PPOX: variants seen among roughly 807,000 people sequenced by gnomAD.
PPOX encodes protoporphyrinogen oxidase, also known as variegate porphyria.
A neutral mutation model predicts 54.1 loss-of-function variants in PPOX; 23 were observed. That is an observed-to-expected ratio of 0.43 (90% CI 0.31 to 0.60). The LOEUF (loss-of-function observed/expected upper bound fraction) is 0.60. PPOX is among the 20% of genes least tolerant of loss of function. The pLI is 0.13. For missense variants in PPOX, 512 were observed against 601.1 expected (o/e 0.85, Z 1.55); for synonymous variants, 224 against 236.1 (o/e 0.95, Z 0.47).
At chr1:161,167,557 CTTTTTTTTTTTTTTTTTTTT>C in intron 4 of PPOX, 71 bp downstream of exon 4, 1 of 553,872 alleles carries the variant, frequency 1.8e-6, no homozygotes, top group South Asian at 2.2e-5. Flanking sequence ...TTCTTCTTTT[CTTTTTTTTTTTTTTTTTTTT>C]TTTTTTTGAG....
downstream of PPOX, among the ~76,000 whole-genome samples, chr1:161,172,612 C>T (rs2101926791): frequency 6.6e-6 from 1 of 152,270 alleles, no homozygotes; most frequent in Admixed American, 6.5e-5. Context: ...GCTGCCCTTG[C>T]AGTCTAGGAA....
At chr1:161,171,696 CT>C (rs898410918), downstream of PPOX, 9 of 1,418,482 alleles carry the variant, frequency 6.3e-6, no homozygotes, top group Non-Finnish European at 8.6e-6. Flanking sequence ...CCCCTACCCC[CT>C]AGCACGGCAC....
chr1:161,169,564 T>C, intron 7 of PPOX, 96 bp from the exon 8 acceptor site: 2 of 1,285,308 alleles, frequency 1.6e-6, no homozygotes, highest in East Asian at 2.3e-5. Flanking sequence ...CCCGGCCACA[T>C]GGGTGCCTGG....
intron 7 of PPOX, chr1:161,169,410 G>A (rs1660326659): frequency 1.4e-6 from 1 of 692,778 alleles, no homozygotes; most frequent in Admixed American, 2.5e-5. Flanking sequence ...CTTAGAGATA[G>A]GGGAAAGAAC....
intron 4 of PPOX, chr1:161,176,675 G>A (rs930023572): frequency 1.3e-5 from 8 of 605,668 alleles, no homozygotes; most frequent in Non-Finnish European, 2.0e-5. Flanking sequence ...GTGAAGGAAA[G>A]TGGTTGGAAA....
Position 161,170,605 on chromosome 1 carries a change from A to G in PPOX, c.1099-15A>G. On this transcript the variant is annotated splice_polypyrimidine_tract_variant and intron_variant, in intron 10 of 12. Coordinates refer to ENST00000367999, the MANE Select transcript of PPOX (RefSeq NM_001122764.3). The stretch of plus-strand genomic sequence containing the variant: ...AGGCAAGGCCAGACTGATCAGTGCT[A>G]TATTCCCTCCTTAGGTGATGCTGGG... The G allele has an allele frequency of 6.2e-7, 1 of 1,614,158 alleles. No individual in the cohort carries two copies. The highest frequency in any genetic ancestry group is 8.5e-7 in the Non-Finnish European group (1 of 1,180,034).
intron 7 of PPOX, 109 bp downstream of exon 7, chr1:161,169,292 C>A: frequency 4.5e-6 from 6 of 1,338,118 alleles, no homozygotes; most frequent in Non-Finnish European, 6.2e-6. Flanking sequence ...GTTTTTGTGC[C>A]TTAGAAGCTA....
intron 1 of PPOX, 58 bp from the exon 2 acceptor site, chr1:161,166,782 G>C (rs1659063492): frequency 1.2e-6 from 2 of 1,601,162 alleles, no homozygotes. Flanking sequence ...AACCGGCGGG[G>C]CTTCTGGAGC....
downstream of PPOX, chr1:161,175,749 AGCCTCCCTGTCTCC>A: frequency 6.3e-7 from 1 of 1,589,478 alleles, no homozygotes; most frequent in South Asian, 1.1e-5. Flanking sequence ...CCTATCCCCA[AGCCTCCCTGTCTCC>A]GCACCTTGTC....
chr1:161,169,310 A>T (rs1571373029), intron 7 of PPOX, 127 bp downstream of exon 7: 1 of 1,134,578 alleles, frequency 8.8e-7, no homozygotes. Flanking sequence ...CTACTTAGAC[A>T]TGGGCTACCC....
At chr1:161,173,869 A>C (rs1256924996), downstream of PPOX, 1 of 1,613,576 alleles carries the variant, frequency 6.2e-7, no homozygotes, top group Non-Finnish European at 8.5e-7. Flanking sequence ...CTGTATCCAA[A>C]CTTGTTCATA....
Position 161,171,031 on chromosome 1 carries a change from CAG to C in PPOX, c.1292_1293del. ...AAACATTCCTTTCATCCTTTCCTTC[CAG>C]AGTCAGCTAGGCAATTCCTGACTGC... On this transcript the variant is annotated splice_acceptor_variant, in intron 12 of 12. Transcript: ENST00000367999. LOFTEE classifies it high-confidence loss of function. The C allele has an allele frequency of 2.5e-6, 4 of 1,614,180 alleles. No individual in the cohort carries two copies. Among genetic ancestry groups the C allele is most frequent in the Non-Finnish European group, 3.4e-6 (4 of 1,180,020 alleles).
chr1:161,167,046 C>T lies in PPOX; in HGVS notation c.88-54C>T, dbSNP rs1659217109. Reference sequence around the variant, plus strand: ...TATGCCTCTTCCCCTCCCCTCCTGACCTCTCGCCGGCGGCTACAGGCGGTG... The same window carrying T: ...TATGCCTCTTCCCCTCCCCTCCTGATCTCTCGCCGGCGGCTACAGGCGGTG... On this transcript the variant is annotated intron_variant, in intron 2 of 12. Transcript: ENST00000367999. 2.5e-6 allele frequency: 4 copies of T among 1,614,004 alleles called. No individual in the cohort carries two copies. In the East Asian group the frequency reaches 6.7e-5, roughly 27 times the overall value.
downstream of PPOX, chr1:161,177,216 T>C (rs1243941051): frequency 1.9e-5 from 14 of 746,630 alleles, no homozygotes; most frequent in East Asian, 3.3e-4. Context: ...AACCCAGCTC[T>C]TTCGGAGCAC....
rs1480743588 is a variant in PPOX at position 161,167,451 on chromosome 1, G to A, written c.303G>A (p.Val101=). The A allele has an allele frequency of 1.2e-6, 2 of 1,612,752 alleles. No homozygotes were observed. Among genetic ancestry groups the A allele is most frequent in the South Asian group, 2.2e-5 (2 of 91,010 alleles). ...HPAAQNRFLY[V]GGALHALPTG... ...CTGCCCAGAACAGGTTCCTCTACGT[G>A]GGCGGTGCCCTGCATGCCCTACCCA... The change falls in exon 4 of 13, where the codon GTG becomes GTA. Residue 101 remains valine (V), a synonymous_variant. Coordinates refer to ENST00000367999, the MANE Select transcript of PPOX (RefSeq NM_001122764.3).
At chr1:161,177,043 G>A, downstream of PPOX, 2 of 1,535,992 alleles carry the variant, frequency 1.3e-6, no homozygotes, top group Non-Finnish European at 8.7e-7. Context: ...GTAGGGTGGG[G>A]GTGGCGTCCT....
At chr1:161,175,406 G>C (rs1290532997), downstream of PPOX, among the ~76,000 whole-genome samples, 2 of 152,152 alleles carry the variant, frequency 1.3e-5, no homozygotes, top group Non-Finnish European at 2.9e-5. Flanking sequence ...ACAAAGGCTG[G>C]AAGGTGCAGG....
intron 5 of PPOX, 54 bp downstream of exon 5, chr1:161,168,181 C>T: frequency 6.2e-7 from 1 of 1,613,594 alleles, no homozygotes; most frequent in Non-Finnish European, 8.5e-7. Context: ...AGCTGCAGAG[C>T]TCCCTGTTCA....
At chr1:161,174,299 C>G (rs150688667), downstream of PPOX, among the ~76,000 whole-genome samples, 1 of 151,248 alleles carries the variant, frequency 6.6e-6, no homozygotes, top group East Asian at 1.9e-4. Flanking sequence ...CCCAGCTACT[C>G]AGGAGGCTGA....
Sources: allele counts gnomAD v4.1 joint callset (sites outside exome capture counted in the v4.1 genomes callset), GRCh38; gene constraint gnomAD v4.1.1; transcripts MANE v1.5; gene names NCBI Gene and HGNC (gene_info 2026-07-23, HGNC 2026-07-21).